CCR6: variants seen among roughly 807,000 people sequenced by gnomAD.
The protein encoded by CCR6 is C-C chemokine receptor type 6.
In CCR6, 2 loss-of-function variants were observed where a neutral mutation model predicts 3.0. That is an observed-to-expected ratio of 0.66 (90% CI 0.27 to 2.07). The LOEUF (loss-of-function observed/expected upper bound fraction) is 2.07. CCR6 is among the 30% of genes most tolerant of loss of function. The pLI is 0.14. For synonymous variants in CCR6, 193 were observed against 184.3 expected (o/e 1.05, Z -0.38); for missense variants, 322 against 462.8 (o/e 0.70, Z 2.79).
chr6:167,136,006 C>A lies in CCR6; in HGVS notation c.-97-32C>A. On this transcript the variant is annotated intron_variant, in intron 1 of 2. Transcript: ENST00000341935. This position sits in a 1 kb window ranked among gnomAD's most constrained non-coding sequence, Gnocchi z 4.6. ...GGCTCTCCAGGAATACCTGTGTTAA[C>A]TGTAGTGCATTTTGCCTTCTTTCCT... The A allele has an allele frequency of 1.1e-6, 1 of 949,496 alleles. No homozygotes were observed. Among genetic ancestry groups the A allele is most frequent in the Non-Finnish European group, 1.6e-6 (1 of 613,148 alleles). The allele number at this position is 949,496 out of a possible 1,614,324, so 58.8% of individuals were successfully genotyped here. A position where few individuals can be genotyped will look rare whatever the true frequency, so the allele number is the denominator to read the frequency against.
rs1781440126 is a variant in CCR6, at chr6:167,113,102, G to A, written c.-98+1088G>A. On this transcript the variant is annotated intron_variant, in intron 1 of 2. Transcript: ENST00000400926. ...AACCCTCTGAGGCCTGACTTACCTG[G>A]AGCTCTCTTATCTAATAATATCAAC... is the stretch of plus-strand genomic sequence containing the variant. Among the ~76,000 whole-genome samples, 3 of 151,752 alleles carry A rather than the reference G, an allele frequency of 2.0e-5. No individual in the cohort carries two copies. In the South Asian group the frequency reaches 6.3e-4, roughly 32 times the overall value.
At chr6:167,124,854 TACAC>T in intron 1 of CCR6, among the ~76,000 whole-genome samples, 1 of 151,536 alleles carries the variant, frequency 6.6e-6, no homozygotes, top group Middle Eastern at 3.4e-3. Context: ...CGTCCATATG[TACAC>T]ACACACAGTT....
Position 167,136,659 on chromosome 6 carries a change from G to A in CCR6, c.429G>A (p.Arg143=). The stretch of plus-strand genomic sequence containing the variant: ...TCCTGACTTGCATTAGCATGGACCG[G>A]TACATCGCCATTGTACAGGCGACTA... ...MLLLTCISMD[R]YIAIVQATKS... Residue 143 remains arginine, a synonymous_variant, in exon 3 of 3, where the codon CGG becomes CGA. Transcript: ENST00000341935. This position sits in a 1 kb window ranked among gnomAD's most constrained non-coding sequence, Gnocchi z 4.6. 6.2e-7 allele frequency: 1 copy of A among 1,614,128 alleles called. No individual in the cohort carries two copies. The highest frequency in any genetic ancestry group is 8.5e-7 in the Non-Finnish European group (1 of 1,180,026).
chr6:167,126,859 G>A (rs914939767), intron 1 of CCR6, among the ~76,000 whole-genome samples: 2 of 152,154 alleles, frequency 1.3e-5, no homozygotes, highest in Non-Finnish European at 1.5e-5. Context: ...TTCCCTCTTC[G>A]CTGGGCACTC....
rs200125173 is a variant in CCR6 at position 167,133,956 on chromosome 6, A to G, written c.-97-2082A>G. Among the ~76,000 whole-genome samples the G allele has an allele frequency of 2.4e-3, 215 of 89,504 alleles. 11 individuals are homozygous for G. The East Asian group carries it at 0.037, about 15-fold the overall frequency. 58.7% of individuals were successfully genotyped at this position (89,504 alleles called of 152,430 possible). ...TGTATATATATATATATATATATAT[A>G]TATATATATATATAGTTTTAACATC... On this transcript the variant is annotated intron_variant, in intron 1 of 2. Transcript: ENST00000341935.
intron 1 of CCR6, among the ~76,000 whole-genome samples, chr6:167,128,360 C>T (rs1372011149): frequency 1.3e-5 from 2 of 152,212 alleles, no homozygotes; most frequent in East Asian, 3.9e-4. Context: ...CGCGCTCTAT[C>T]TATTATTGGG....
At position 167,128,281 on chromosome 6, in the gene CCR6, C is replaced by T. The variant is rs145841207; in HGVS notation, c.-98+5058C>T. Among the ~76,000 whole-genome samples the T allele has an allele frequency of 3.0e-3, 451 of 152,344 alleles. 3 individuals are homozygous for T. Among genetic ancestry groups the T allele is most frequent in the African/African-American group, 0.01 (433 of 41,588 alleles). ...GGGCCTGGGCAGGGGGCCATGATTC[C>T]GCTAACCACAAGCGTGACATGGGGC... On this transcript the variant is annotated intron_variant, in intron 1 of 2. Transcript: ENST00000341935.
At chr6:167,129,444 C>T (rs2114926455) in intron 1 of CCR6, 1 of 152,410 alleles carries the variant, frequency 6.6e-6, no homozygotes, top group Admixed American at 6.5e-5. Context: ...TGAGAACCAA[C>T]AGCCAACATT....
At chr6:167,112,147 T>A (rs1275288707) in intron 1 of CCR6, 2 of 152,240 alleles carry the variant, frequency 1.3e-5, no homozygotes, top group East Asian at 3.8e-4. Flanking sequence ...AATACTTATT[T>A]ATTTAGGCTA....
intron 1 of CCR6, among the ~76,000 whole-genome samples, chr6:167,125,665 A>G (rs1781659660): frequency 1.3e-5 from 2 of 152,318 alleles, no homozygotes; most frequent in East Asian, 3.9e-4. Flanking sequence ...CTTAAATCCT[A>G]TAGTGAGGGC....
intron 1 of CCR6, among the ~76,000 whole-genome samples, chr6:167,127,789 C>T (rs1170583904): frequency 6.6e-6 from 1 of 152,212 alleles, no homozygotes; most frequent in Non-Finnish European, 1.5e-5. Context: ...GTGTGAGCCA[C>T]TGTGCCCAGC....
upstream of CCR6, among the ~76,000 whole-genome samples, chr6:167,121,713 G>A (rs545960867): frequency 7.2e-5 from 11 of 152,340 alleles, no homozygotes; most frequent in South Asian, 2.1e-4. Context: ...ATGGAGGAGG[G>A]ACAGGTCACC....
At chr6:167,114,243 A>G (rs1198880913) in intron 1 of CCR6, among the ~76,000 whole-genome samples, 1 of 152,044 alleles carries the variant, frequency 6.6e-6, no homozygotes, top group African/African-American at 2.4e-5. Context: ...TGCTGTCCCC[A>G]CCTCCTGCCA....
chr6:167,115,307 G>A (rs1315830970), intron 1 of CCR6: 3 of 152,268 alleles, frequency 2.0e-5, no homozygotes, highest in Non-Finnish European at 4.4e-5. Flanking sequence ...TCCTCATTCT[G>A]TGAGCAGACC....
Position 167,136,476 on chromosome 6 carries a change from C to T in CCR6, c.246C>T (p.Asp82=), listed in dbSNP as rs41347847. 145 of 1,598,510 alleles carry T rather than the reference C, an allele frequency of 9.1e-5. 1 individual carries two copies. In the South Asian group the frequency reaches 1.2e-3, roughly 13 times the overall value. The change falls in exon 3 of 3, where the codon GAC becomes GAT. Residue 82 remains aspartate (D), a synonymous_variant. Coordinates refer to ENST00000341935, the MANE Select transcript of CCR6 (RefSeq NM_031409.4). This position sits in a 1 kb window ranked among gnomAD's most constrained non-coding sequence, Gnocchi z 4.6. ...ATAAGAAGGCCAGGTCTATGACAGACGTCTATCTCTTGAACATGGCCATTG... is the reference window on the plus strand; with the variant it reads ...ATAAGAAGGCCAGGTCTATGACAGATGTCTATCTCTTGAACATGGCCATTG... ...AFYKKARSMT[D]VYLLNMAIAD... is the part of the protein sequence containing the mutation.
upstream of CCR6, among the ~76,000 whole-genome samples, chr6:167,120,255 C>T (rs965277458): frequency 2.0e-5 from 3 of 152,228 alleles, no homozygotes; most frequent in African/African-American, 2.4e-5. Flanking sequence ...CACATGTGGC[C>T]GGCAGGTGGT....
Position 167,130,222 on chromosome 6 carries a change from T to C in CCR6, c.-97-5816T>C, listed in dbSNP as rs142873513. Among the ~76,000 whole-genome samples, 27 of 151,842 alleles carry C rather than the reference T, an allele frequency of 1.8e-4. 1 individual carries two copies. The highest frequency in any genetic ancestry group is 3.8e-4 in the Non-Finnish European group (26 of 68,028). ...GAGACAGTGTGAGATGTGTTGCAGGTGGCTGCTTTGCAAGGGTAGGTTCAC... is the reference window on the plus strand; with the variant it reads ...GAGACAGTGTGAGATGTGTTGCAGGCGGCTGCTTTGCAAGGGTAGGTTCAC... On this transcript the variant is annotated intron_variant, in intron 1 of 2. Coordinates refer to ENST00000341935, the MANE Select transcript of CCR6 (RefSeq NM_031409.4).
intron 1 of CCR6, among the ~76,000 whole-genome samples, chr6:167,127,755 C>A (rs1010245795): frequency 4.6e-5 from 7 of 152,208 alleles, no homozygotes; most frequent in African/African-American, 1.7e-4. Flanking sequence ...CCCACCTCAG[C>A]CTCCCAAGGT....
At chr6:167,134,251 G>A (rs1781816234) in intron 1 of CCR6, among the ~76,000 whole-genome samples, 3 of 152,134 alleles carry the variant, frequency 2.0e-5, no homozygotes, top group Admixed American at 2.0e-4. Context: ...CTGAAGTTTA[G>A]CAGTGGTGTT....
Sources: gnomAD v4.1 joint callset for allele counts (sites outside exome capture counted in the v4.1 genomes callset) on GRCh38, gnomAD v4.1.1 for gene constraint, Gnocchi (gnomAD v3.1) non-coding constraint, MANE v1.5 for transcripts, NCBI Gene and HGNC (gene_info 2026-07-23, HGNC 2026-07-21) for gene names.